EVI5: variants seen among roughly 807,000 people sequenced by gnomAD.
The protein encoded by EVI5 is ecotropic viral integration site 5 protein homolog.
A neutral mutation model predicts 112.0 loss-of-function variants in EVI5; 73 were observed. The observed-to-expected ratio is 0.65, with a 90% CI of 0.54 to 0.79. The LOEUF is 0.79. Ranked by LOEUF, EVI5 falls within the 30% of genes least tolerant of loss-of-function variation. The pLI, the probability that EVI5 is intolerant of heterozygous loss-of-function variation, is 0.00. For synonymous variants in EVI5, 305 were observed against 319.9 expected (o/e 0.95, Z 0.50); for missense variants, 900 against 968.8 (o/e 0.93, Z 0.94).
At chr1:92,700,000 G>A (rs574809237) in intron 5 of EVI5, among the ~76,000 whole-genome samples, 83 of 152,192 alleles carry the variant, frequency 5.5e-4, no homozygotes, top group African/African-American at 2.0e-3. Context: ...AAAATAAGTT[G>A]AGGTAATTTG....
intron 19 of EVI5, among the ~76,000 whole-genome samples, chr1:92,531,873 G>GC (rs1662923319): frequency 6.6e-6 from 1 of 152,138 alleles, no homozygotes; most frequent in South Asian, 2.1e-4. Context: ...TGAAGAAACT[G>GC]CAACAACTAA....
In EVI5 at chr1:92,612,832, G is replaced by A. The variant is rs569974471; in HGVS notation, c.1828-5105C>T. ...TCACCTGAGGCAGATACGGCCACAA[G>A]CTAAGAATGATACAGCTAGAATAAA... is the stretch of plus-strand genomic sequence containing the variant. On this transcript the variant is annotated intron_variant, in intron 16 of 19. Transcript: ENST00000684568. Among the ~76,000 whole-genome samples, 31 of 151,768 alleles carry A rather than the reference G, an allele frequency of 2.0e-4. No homozygotes were observed. The East Asian group carries it at 5.8e-3, about 28-fold the overall frequency.
chr1:92,575,925 T>C (rs1037662610), intron 18 of EVI5, among the ~76,000 whole-genome samples: 1 of 152,176 alleles, frequency 6.6e-6, no homozygotes. Context: ...TCCAAGTCTG[T>C]AGATTGTATA....
At chr1:92,681,068 A>G (rs911704040) in intron 9 of EVI5, among the ~76,000 whole-genome samples, 1 of 152,190 alleles carries the variant, frequency 6.6e-6, no homozygotes, top group Non-Finnish European at 1.5e-5. Flanking sequence ...CTGAACATAC[A>G]CTGTGGATTA....
chr1:92,651,582 T>C (rs1441538650), intron 13 of EVI5, among the ~76,000 whole-genome samples: 2 of 152,116 alleles, frequency 1.3e-5, no homozygotes, highest in Non-Finnish European at 2.9e-5. Flanking sequence ...CCGGGCGCAG[T>C]GGCTCACGCC....
Position 92,607,625 on chromosome 1 carries a change from G to A in EVI5, c.1930C>T (p.Gln644Ter). ...LSAQNKGLLT[Q>*]LSEAKRKQAE... is the part of the protein sequence containing the mutation. ...TGTTTACGCTTTGCTTCACTTAATT[G>A]AGTAAGGAGTCCTTTGTTCTGTGCA... The change falls in exon 17 of 20, where the codon CAA (glutamine) becomes TAA (stop). Residue 644 changes from glutamine to a stop codon, truncating the protein, a stop_gained. Coordinates refer to ENST00000684568, the MANE Select transcript of EVI5 (RefSeq NM_001350197.2). LOFTEE classifies it high-confidence loss of function. The A allele has an allele frequency of 6.2e-7, 1 of 1,603,374 alleles. No homozygotes were observed. The highest frequency in any genetic ancestry group is 8.5e-7 in the Non-Finnish European group (1 of 1,176,504).
intron 1 of EVI5, among the ~76,000 whole-genome samples, chr1:92,767,625 G>A (rs1016810827): frequency 2.6e-5 from 4 of 152,214 alleles, no homozygotes; most frequent in Non-Finnish European, 4.4e-5. Context: ...ATTTTTTAAA[G>A]GTCTTCAGCA....
intron 10 of EVI5, among the ~76,000 whole-genome samples, chr1:92,673,279 T>C (rs577975001): frequency 2.7e-5 from 4 of 150,020 alleles, no homozygotes; most frequent in South Asian, 4.3e-4. Context: ...AAATGTACCA[T>C]AGTTTTTAAA....
In EVI5 at chr1:92,757,907, C is replaced by CAA. The variant is rs71091299; in HGVS notation, c.-81-21282_-81-21281dup. Reference sequence around the variant, plus strand: ...CAAAAGAGTGAGCGAGACTCTGCCTCAAAAAAAAAAAAAAAAAAAAAAAAT... The same window carrying CAA: ...CAAAAGAGTGAGCGAGACTCTGCCTCAAAAAAAAAAAAAAAAAAAAAAAAAAT... On this transcript the variant is annotated intron_variant, in intron 1 of 19. Transcript: ENST00000684568. Among the ~76,000 whole-genome samples the CAA allele has an allele frequency of 6.4e-4, 45 of 70,268 alleles. 1 individual carries two copies. The highest frequency in any genetic ancestry group is 1.4e-3 in the African/African-American group (27 of 18,650). The allele number at this position is 70,268 out of a possible 152,430, so 46.1% of individuals were successfully genotyped here. A position where few individuals can be genotyped will look rare whatever the true frequency, so the allele number is the denominator to read the frequency against.
intron 1 of EVI5, among the ~76,000 whole-genome samples, chr1:92,763,426 G>C (rs1682167169): frequency 6.6e-6 from 1 of 151,976 alleles, no homozygotes; most frequent in African/African-American, 2.4e-5. Context: ...GGCAGGCACG[G>C]TGGCTCACAC....
intron 19 of EVI5, among the ~76,000 whole-genome samples, chr1:92,563,304 T>C (rs1363072969): frequency 6.6e-6 from 1 of 152,166 alleles, no homozygotes; most frequent in Non-Finnish European, 1.5e-5. Context: ...ATCTATTCTA[T>C]AGGTATAAGC....
At chr1:92,712,246 G>C (rs945303065) in intron 2 of EVI5, among the ~76,000 whole-genome samples, 4 of 152,102 alleles carry the variant, frequency 2.6e-5, no homozygotes, top group African/African-American at 7.2e-5. Context: ...AGAGAATTCA[G>C]AGAAGACACA....
intron 18 of EVI5, among the ~76,000 whole-genome samples, chr1:92,603,775 C>A (rs893412356): frequency 6.6e-6 from 1 of 151,920 alleles, no homozygotes. Context: ...GTGGCCCAGG[C>A]TGGAGTGCAG....
chr1:92,753,574 T>C (rs1337108), intron 1 of EVI5, among the ~76,000 whole-genome samples: 139,685 of 152,182 alleles, frequency 0.92, 64,185 homozygotes, highest in East Asian at 0.97. Context: ...ATATTAAGTC[T>C]GAAATTCAGT....
chr1:92,678,023 T>C (rs1410459322), intron 9 of EVI5, among the ~76,000 whole-genome samples: 3 of 151,920 alleles, frequency 2.0e-5, no homozygotes, highest in Non-Finnish European at 4.4e-5. Flanking sequence ...GACATAAAGA[T>C]GGGAACAACA....
chr1:92,636,917 A>C (rs1010356042), intron 13 of EVI5, among the ~76,000 whole-genome samples: 2 of 152,174 alleles, frequency 1.3e-5, no homozygotes, highest in Non-Finnish European at 1.5e-5. Context: ...AGAAAATCTT[A>C]AATTGCATAT....
At chr1:92,571,983 G>T (rs1473186401) in intron 18 of EVI5, among the ~76,000 whole-genome samples, 1 of 152,140 alleles carries the variant, frequency 6.6e-6, no homozygotes, top group Non-Finnish European at 1.5e-5. Flanking sequence ...CATACGTTTT[G>T]TCATATACCA....
At chr1:92,532,794 G>A (rs747488764) in intron 19 of EVI5, among the ~76,000 whole-genome samples, 3 of 152,110 alleles carry the variant, frequency 2.0e-5, no homozygotes, top group Non-Finnish European at 4.4e-5. Context: ...AGTGTGTAGA[G>A]GGAAATTTAT....
intron 1 of EVI5, among the ~76,000 whole-genome samples, chr1:92,791,229 G>C (rs1023171902): frequency 6.6e-6 from 1 of 152,232 alleles, no homozygotes; most frequent in Non-Finnish European, 1.5e-5. Flanking sequence ...ACTAGAGGTA[G>C]TAACTCCACT....
Sources: allele counts gnomAD v4.1 joint callset (sites outside exome capture counted in the v4.1 genomes callset), GRCh38; gene constraint gnomAD v4.1.1; transcripts MANE v1.5; gene names NCBI Gene and HGNC (gene_info 2026-07-23, HGNC 2026-07-21).